RARB: variants seen among roughly 807,000 people sequenced by gnomAD.
The protein encoded by RARB is HBV-activated protein.
A neutral mutation model predicts 51.9 loss-of-function variants in RARB; 17 were observed. The observed-to-expected ratio is 0.33, with a 90% CI of 0.22 to 0.49. The LOEUF is 0.49. Among genes scored for constraint, RARB ranks in the 20% least tolerant of loss-of-function variants. RARB has a pLI of 0.99. For synonymous variants in RARB, 215 were observed against 195.4 expected (o/e 1.10, Z -0.84); for missense variants, 369 against 550.8 (o/e 0.67, Z 3.30).
chr3:25,580,403 T>TA lies in RARB; in HGVS notation c.610-135dup, dbSNP rs570461880. The stretch of plus-strand genomic sequence containing the variant: ...ACACAAAAAAAGGATGAATCCAGGC[T>TA]AAAAAAAATGTAGCTGTCCCACCAA... On this transcript the variant is annotated intron_variant, in intron 4 of 7. Coordinates refer to ENST00000330688, the MANE Select transcript of RARB (RefSeq NM_000965.5). 1.1e-3 allele frequency: 791 copies of TA among 747,530 alleles called. 16 individuals carry two copies. The East Asian group carries it at 0.021, about 20-fold the overall frequency. The allele number at this position is 747,530 out of a possible 1,614,324, so 46.3% of individuals were successfully genotyped here.
chr3:25,194,640 A>C (rs1701187879), intron 5 of RARB, among the ~76,000 whole-genome samples: 1 of 151,412 alleles, frequency 6.6e-6, no homozygotes, highest in Non-Finnish European at 1.5e-5. Flanking sequence ...CTTGAGAACA[A>C]GGTCTTTTTT....
intron 5 of RARB, among the ~76,000 whole-genome samples, chr3:25,252,195 A>G (rs77787221): frequency 0.021 from 3,139 of 152,270 alleles, 148 homozygotes; most frequent in Admixed American, 0.11. Flanking sequence ...TCTGGACTAC[A>G]CATCTATTTC....
At chr3:25,007,502 C>A (rs539211779) in intron 2 of RARB, among the ~76,000 whole-genome samples, 1 of 147,914 alleles carries the variant, frequency 6.8e-6, no homozygotes, top group Admixed American at 6.9e-5. Flanking sequence ...TGGTGGGCAC[C>A]TGTAATCCCA....
chr3:24,900,877 A>G (rs920722447), intron 2 of RARB, among the ~76,000 whole-genome samples: 1 of 152,190 alleles, frequency 6.6e-6, no homozygotes, highest in African/African-American at 2.4e-5. Context: ...AGAATAAATA[A>G]TATAACTCTT....
chr3:24,982,220 A>G (rs1286092436), intron 2 of RARB, among the ~76,000 whole-genome samples: 4 of 151,726 alleles, frequency 2.6e-5, no homozygotes, highest in African/African-American at 4.8e-5. Context: ...CTTCACCTCT[A>G]TTTTCTCTGG....
At chr3:25,281,896 A>G (rs35264689) in intron 5 of RARB, among the ~76,000 whole-genome samples, 15,036 of 152,224 alleles carry the variant, frequency 0.099, 962 homozygotes, top group South Asian at 0.24. Context: ...TAGTTTGGAA[A>G]TAGCTGTGCT....
At chr3:25,079,227 G>T (rs986837566) in intron 3 of RARB, among the ~76,000 whole-genome samples, 2 of 151,892 alleles carry the variant, frequency 1.3e-5, no homozygotes, top group Non-Finnish European at 2.9e-5. Context: ...CATATTAATT[G>T]TATCCTTCTA....
intron 2 of RARB, among the ~76,000 whole-genome samples, chr3:25,482,957 A>T (rs1575446667): frequency 6.6e-6 from 1 of 152,256 alleles, no homozygotes; most frequent in Non-Finnish European, 1.5e-5. Flanking sequence ...ATATTTTTAC[A>T]TAGTAATTTC....
At chr3:24,868,078 A>G (rs1299049270) in intron 2 of RARB, among the ~76,000 whole-genome samples, 1 of 152,176 alleles carries the variant, frequency 6.6e-6, no homozygotes, top group Non-Finnish European at 1.5e-5. Flanking sequence ...CCGAGTTGTA[A>G]GAACTATCTG....
intron 4 of RARB, among the ~76,000 whole-genome samples, chr3:25,570,448 C>T (rs532151273): frequency 4.1e-4 from 63 of 152,320 alleles, no homozygotes; most frequent in African/African-American, 1.4e-3. Flanking sequence ...TGTACAAAAC[C>T]CCCAAGCCAG....
At chr3:25,459,782 C>T (rs1472526455) in intron 1 of RARB, among the ~76,000 whole-genome samples, 1 of 152,142 alleles carries the variant, frequency 6.6e-6, no homozygotes, top group East Asian at 1.9e-4. Flanking sequence ...AGTAGGGCAA[C>T]TGGAAACTTT....
intron 5 of RARB, among the ~76,000 whole-genome samples, chr3:25,300,841 A>AT (rs1447762213): frequency 6.6e-6 from 1 of 152,054 alleles, no homozygotes; most frequent in Non-Finnish European, 1.5e-5. Flanking sequence ...ATAAAATAAA[A>AT]AAAAAATTAG....
chr3:25,243,160 T>A (rs1702473152), intron 5 of RARB, among the ~76,000 whole-genome samples: 1 of 152,204 alleles, frequency 6.6e-6, no homozygotes, highest in African/African-American at 2.4e-5. Flanking sequence ...ATCGATTTTT[T>A]ATCCTGAGAC....
At chr3:25,161,165 A>C (rs35565065) in intron 4 of RARB, among the ~76,000 whole-genome samples, 14 of 147,414 alleles carry the variant, frequency 9.5e-5, no homozygotes, top group African/African-American at 3.5e-4. Flanking sequence ...GGCACCCACC[A>C]CCATGCCCAG....
intron 3 of RARB, among the ~76,000 whole-genome samples, chr3:25,562,073 C>G (rs1353098303): frequency 6.6e-6 from 1 of 152,102 alleles, no homozygotes; most frequent in Non-Finnish European, 1.5e-5. Flanking sequence ...CTATTGATTC[C>G]TGAACCTTAG....
intron 3 of RARB, among the ~76,000 whole-genome samples, chr3:25,536,252 C>T (rs1257949262): frequency 2.0e-5 from 3 of 152,158 alleles, no homozygotes; most frequent in Non-Finnish European, 2.9e-5. Flanking sequence ...TCTAAAGTCA[C>T]ACAGCTAGTT....
intron 2 of RARB, among the ~76,000 whole-genome samples, chr3:24,867,665 G>C (rs759831514): frequency 2.6e-5 from 4 of 152,128 alleles, no homozygotes; most frequent in Non-Finnish European, 5.9e-5. Flanking sequence ...GGCAGAAGTG[G>C]GGAGTGTGCT....
chr3:25,214,354 A>T (rs185355069), intron 5 of RARB, among the ~76,000 whole-genome samples: 1 of 152,224 alleles, frequency 6.6e-6, no homozygotes, highest in Non-Finnish European at 1.5e-5. Flanking sequence ...GCCTGTGATA[A>T]CTAGGAGCAC....
intron 5 of RARB, among the ~76,000 whole-genome samples, chr3:25,401,911 G>A (rs1707273336): frequency 6.6e-6 from 1 of 152,020 alleles, no homozygotes; most frequent in African/African-American, 2.4e-5. Context: ...TGAGTAGTTG[G>A]GATTATAGGT....
Sources: allele counts gnomAD v4.1 joint callset (sites outside exome capture counted in the v4.1 genomes callset), GRCh38; gene constraint gnomAD v4.1.1; transcripts MANE v1.5; gene names NCBI Gene and HGNC (gene_info 2026-07-23, HGNC 2026-07-21).